Variants in ANTXR1 observed in about 807,000 individuals in gnomAD.
The protein encoded by ANTXR1 is ANTXR cell adhesion molecule 1, also known as anthrax toxin receptor 1.
ANTXR1 carries 19 observed loss-of-function variants against 78.1 expected under a neutral mutation model. The ratio of observed to expected loss-of-function variants is 0.24; its 90% confidence interval spans 0.17 to 0.36. The LOEUF is 0.36. ANTXR1 is among the 10% of genes least tolerant of loss of function. ANTXR1 has a pLI of 1.00. For synonymous variants in ANTXR1, 273 were observed against 260.5 expected (o/e 1.05, Z -0.46); for missense variants, 518 against 718.6 (o/e 0.72, Z 3.19).
chr2:69,017,001 CT>C (rs1439015636), intron 1 of ANTXR1, among the ~76,000 whole-genome samples: 15 of 152,168 alleles, frequency 9.9e-5, no homozygotes, highest in African/African-American at 3.4e-4. Flanking sequence ...GTGGGGAGAC[CT>C]TTACAGACAT....
intron 17 of ANTXR1, among the ~76,000 whole-genome samples, chr2:69,217,363 A>C (rs1323522281): frequency 6.6e-6 from 1 of 152,238 alleles, no homozygotes; most frequent in East Asian, 1.9e-4. Context: ...TTGCAAGTGC[A>C]CAATGTGAAT....
intron 16 of ANTXR1, among the ~76,000 whole-genome samples, chr2:69,190,200 C>T (rs768885171): frequency 2.0e-5 from 3 of 152,078 alleles, no homozygotes; most frequent in Non-Finnish European, 2.9e-5. Flanking sequence ...AGGGGAGAGG[C>T]CCAGCACAGC....
chr2:69,162,080 A>C (rs1417866493), intron 13 of ANTXR1, among the ~76,000 whole-genome samples: 1 of 152,148 alleles, frequency 6.6e-6, no homozygotes, highest in Non-Finnish European at 1.5e-5. Context: ...AGCAAAAGAA[A>C]AACAAAAATT....
intron 13 of ANTXR1, among the ~76,000 whole-genome samples, chr2:69,164,189 G>T (rs1341259753): frequency 6.6e-6 from 1 of 152,162 alleles, no homozygotes; most frequent in East Asian, 1.9e-4. Context: ...GATGAAAGGG[G>T]GTATAGGTGG....
At chr2:69,060,000 C>T (rs897536038) in intron 3 of ANTXR1, among the ~76,000 whole-genome samples, 1 of 152,184 alleles carries the variant, frequency 6.6e-6, no homozygotes, top group Non-Finnish European at 1.5e-5. Context: ...ACAAATTCAT[C>T]TTGTCCTGTG....
chr2:69,208,705 A>G (rs189449071), intron 17 of ANTXR1, among the ~76,000 whole-genome samples: 1 of 152,218 alleles, frequency 6.6e-6, no homozygotes, highest in African/African-American at 2.4e-5. Flanking sequence ...GGGGAATGAC[A>G]TGATTTCCAT....
intron 1 of ANTXR1, among the ~76,000 whole-genome samples, chr2:69,037,425 T>C (rs1007510239): frequency 6.6e-6 from 1 of 152,172 alleles, no homozygotes; most frequent in Non-Finnish European, 1.5e-5. Flanking sequence ...GTGAGTCCTG[T>C]CTGTGTTGGT....
chr2:69,185,720 A>T (rs191568722), intron 16 of ANTXR1, among the ~76,000 whole-genome samples: 1 of 152,304 alleles, frequency 6.6e-6, no homozygotes, highest in Admixed American at 6.5e-5. Context: ...AGCCACATTA[A>T]TGTTCACACT....
intron 9 of ANTXR1, among the ~76,000 whole-genome samples, chr2:69,094,256 G>A (rs1671329075): frequency 6.6e-6 from 1 of 152,172 alleles, no homozygotes; most frequent in South Asian, 2.1e-4. Context: ...AAGATGGCTT[G>A]TTATCAGCAT....
chr2:69,081,148 C>T (rs1558525254), intron 8 of ANTXR1, among the ~76,000 whole-genome samples: 1 of 152,198 alleles, frequency 6.6e-6, no homozygotes, highest in East Asian at 1.9e-4. Flanking sequence ...TTATTATCCC[C>T]ATTTTATAGA....
intron 8 of ANTXR1, among the ~76,000 whole-genome samples, chr2:69,086,865 T>C (rs900441949): frequency 1.3e-5 from 2 of 152,232 alleles, no homozygotes; most frequent in African/African-American, 2.4e-5. Flanking sequence ...TTATTAACTT[T>C]CTGTGGATCG....
At chr2:69,184,867 A>T (rs934309444) in intron 16 of ANTXR1, among the ~76,000 whole-genome samples, 3 of 152,224 alleles carry the variant, frequency 2.0e-5, no homozygotes, top group African/African-American at 7.2e-5. Context: ...GATTTAAAAA[A>T]TACAGATTCC....
chr2:69,225,771 A>G (rs1573989902), intron 17 of ANTXR1, among the ~76,000 whole-genome samples: 1 of 152,300 alleles, frequency 6.6e-6, no homozygotes, highest in East Asian at 1.9e-4. Flanking sequence ...TAGCCTCTTC[A>G]GGGAGCTTAT....
At chr2:69,111,964 T>C (rs544795274) in intron 10 of ANTXR1, among the ~76,000 whole-genome samples, 2 of 152,200 alleles carry the variant, frequency 1.3e-5, no homozygotes, top group Non-Finnish European at 2.9e-5. Context: ...TTGTTTCCTT[T>C]GTTATGGGTT....
chr2:69,162,964 T>C (rs1262900481), intron 13 of ANTXR1, among the ~76,000 whole-genome samples: 1 of 152,100 alleles, frequency 6.6e-6, no homozygotes, highest in Non-Finnish European at 1.5e-5. Context: ...TTGAAAGGAA[T>C]GACAAAACTG....
chr2:69,236,924 A>T (rs1675779059), intron 17 of ANTXR1, among the ~76,000 whole-genome samples: 1 of 152,262 alleles, frequency 6.6e-6, no homozygotes, highest in African/African-American at 2.4e-5. Context: ...TGTAAAGATA[A>T]GCACAAAATA....
intron 17 of ANTXR1, 60 bp from the exon 18 acceptor site, chr2:69,245,165 A>G: frequency 8.1e-6 from 13 of 1,603,764 alleles, no homozygotes; most frequent in Non-Finnish European, 1.1e-5. Flanking sequence ...CCACCACAGC[A>G]CCACAGGCCC....
intron 13 of ANTXR1, among the ~76,000 whole-genome samples, chr2:69,153,697 A>AG (rs1284145041): frequency 6.6e-6 from 1 of 152,258 alleles, no homozygotes; most frequent in Non-Finnish European, 1.5e-5. Context: ...TTTCAAGTCT[A>AG]GAAAAAGAAA....
chr2:69,085,339 AT>A (rs572364655), intron 8 of ANTXR1, among the ~76,000 whole-genome samples: 273 of 151,170 alleles, frequency 1.8e-3, no homozygotes, highest in African/African-American at 6.0e-3. Flanking sequence ...TGCCTACAAC[AT>A]TTTTTTTTAA....
Sources: gnomAD v4.1 joint callset for allele counts (sites outside exome capture counted in the v4.1 genomes callset) on GRCh38, gnomAD v4.1.1 for gene constraint, MANE v1.5 for transcripts, NCBI Gene and HGNC (gene_info 2026-07-23, HGNC 2026-07-21) for gene names.